PSME4: variants seen among roughly 807,000 people sequenced by gnomAD.
PSME4 encodes the protein proteasome activator complex subunit 4.
Under a neutral mutation model 253.9 loss-of-function variants are expected in PSME4, and 89 were observed. The observed-to-expected ratio is 0.35, with a 90% CI of 0.30 to 0.42. The LOEUF (loss-of-function observed/expected upper bound fraction) is 0.42, where lower values mean the gene tolerates loss of function less well. Among genes scored for constraint, PSME4 ranks in the 10% least tolerant of loss-of-function variants. PSME4 has a pLI of 1.00. For synonymous variants in PSME4, 851 were observed against 759.2 expected, an observed-to-expected ratio of 1.12 and a Z score of -1.99; for missense variants, 2,014 against 2,195.2, an observed-to-expected ratio of 0.92 and a Z score of 1.65.
chr2:53,924,698 T>C (rs1365488026), intron 14 of PSME4, among the ~76,000 whole-genome samples: 1 of 152,104 alleles, frequency 6.6e-6, no homozygotes, highest in Non-Finnish European at 1.5e-5. Context: ...TATGTATACA[T>C]GTGCCATGTT....
At chr2:53,964,634 A>G (rs751657900) in intron 1 of PSME4, among the ~76,000 whole-genome samples, 1 of 152,252 alleles carries the variant, frequency 6.6e-6, no homozygotes, top group Non-Finnish European at 1.5e-5. Flanking sequence ...TTCAATACTC[A>G]AACATTAGAT....
Position 53,869,390 on chromosome 2 carries a change from G to C in PSME4, c.5249C>G (p.Thr1750Ser). The change falls in exon 44 of 47, where the codon ACC becomes AGC. Residue 1750 changes from threonine to serine, a missense_variant. By Grantham distance (58) the Thr-to-Ser change is moderately conservative. This residue lies in a region of PSME4 where 403 missense variants were observed against 556.1 expected (regional missense o/e 0.72). Transcript: ENST00000404125. The part of the protein sequence containing the change: ...RKRDPGSVGD[T>S]IPSAELVKRH... ...AGCAATGTTACCTGCAGAAGGAATG[G>C]TATCTCCTACAGAACCAGGGTCTCG... is the stretch of plus-strand genomic sequence containing the variant. The C allele has an allele frequency of 6.2e-7, 1 of 1,607,296 alleles. No individual in the cohort carries two copies. Among genetic ancestry groups the C allele is most frequent in the Non-Finnish European group, 8.5e-7 (1 of 1,175,176 alleles).
intron 45 of PSME4, 44 bp downstream of exon 45, chr2:53,866,703 C>T (rs985452528): frequency 1.9e-6 from 3 of 1,567,012 alleles, no homozygotes; most frequent in Admixed American, 1.8e-5. Context: ...TCTTAGAAAA[C>T]ATCACTGATA....
intron 40 of PSME4, among the ~76,000 whole-genome samples, chr2:53,886,526 G>A (rs1420822014): frequency 6.6e-6 from 1 of 152,190 alleles, no homozygotes; most frequent in Non-Finnish European, 1.5e-5. Flanking sequence ...CCACTAAGAT[G>A]GCTATACTTT....
chr2:53,915,607 T>A (rs865865835), intron 20 of PSME4, among the ~76,000 whole-genome samples: 3 of 152,094 alleles, frequency 2.0e-5, no homozygotes, highest in Middle Eastern at 3.4e-3. Flanking sequence ...TAAACTAAGC[T>A]TCTAGGGTCT....
chr2:53,891,167 T>C (rs890911602), intron 36 of PSME4, among the ~76,000 whole-genome samples: 1 of 152,244 alleles, frequency 6.6e-6, no homozygotes, highest in East Asian at 1.9e-4. Context: ...AAAGAGGCAA[T>C]GACATTTTAA....
chr2:53,877,316 G>A (rs1288070236), intron 41 of PSME4, among the ~76,000 whole-genome samples: 2 of 151,478 alleles, frequency 1.3e-5, no homozygotes, highest in African/African-American at 2.4e-5. Flanking sequence ...GGGAGGCTGA[G>A]GTGGGAAGAT....
chr2:53,864,465 TAAC>T lies in PSME4; in HGVS notation c.*1110_*1112del, dbSNP rs1678476183. 1 of 151,554 alleles carries T rather than the reference TAAC, an allele frequency of 6.6e-6. No homozygotes were observed. Among genetic ancestry groups the T allele is most frequent in the African/African-American group, 2.4e-5 (1 of 41,194 alleles). 9.4% of individuals were successfully genotyped at this position (151,554 alleles called of 1,614,324 possible). The stretch of plus-strand genomic sequence containing the variant: ...AAAAAACCCCACATCTCAGTTTTTG[TAAC>T]AAGATAAAGAAAATAATTTAAAAAC... On this transcript the variant is annotated 3_prime_UTR_variant, in exon 47 of 47. Transcript: ENST00000404125.
Position 53,933,467 on chromosome 2 carries a change from TCTC to T in PSME4, c.958-710_958-708del, listed in dbSNP as rs1668954065. 2.7e-5 allele frequency among the ~76,000 whole-genome samples: 4 copies of T among 146,290 alleles called. No homozygotes were observed. In the South Asian group the frequency reaches 8.8e-4, roughly 32 times the overall value. On this transcript the variant is annotated intron_variant, in intron 8 of 46. Coordinates refer to ENST00000404125, the MANE Select transcript of PSME4 (RefSeq NM_014614.3). ...CAAACATGGTTCACTGCAGCCTCAA[TCTC>T]CTAGGCTCAAGCGATCCTCCCACCT... is the stretch of plus-strand genomic sequence containing the variant.
intron 1 of PSME4, among the ~76,000 whole-genome samples, chr2:53,960,012 C>G (rs1164103223): frequency 6.6e-6 from 1 of 152,156 alleles, no homozygotes; most frequent in Admixed American, 6.5e-5. Flanking sequence ...ATTAAGTGGT[C>G]ATTGACTTTG....
intron 3 of PSME4, among the ~76,000 whole-genome samples, chr2:53,943,109 A>G (rs1329040769): frequency 6.6e-6 from 1 of 152,228 alleles, no homozygotes; most frequent in Non-Finnish European, 1.5e-5. Context: ...CTTCTAAACC[A>G]GGGAAAAGTA....
intron 1 of PSME4, among the ~76,000 whole-genome samples, chr2:53,961,330 C>T (rs1558431740): frequency 6.6e-6 from 1 of 152,008 alleles, no homozygotes; most frequent in Non-Finnish European, 1.5e-5. Context: ...TAATTTTCTA[C>T]AAAGGTTAGA....
At chr2:53,909,456 C>T (rs1265171961) in intron 21 of PSME4, among the ~76,000 whole-genome samples, 1 of 151,944 alleles carries the variant, frequency 6.6e-6, no homozygotes, top group African/African-American at 2.4e-5. Flanking sequence ...CATATAAGTG[C>T]TAGAATAATT....
intron 1 of PSME4, among the ~76,000 whole-genome samples, chr2:53,958,164 C>A (rs1381078521): frequency 1.5e-5 from 2 of 131,744 alleles, no homozygotes; most frequent in African/African-American, 5.9e-5. Context: ...CCAGCCTGGG[C>A]GACAGAGAAA....
At chr2:53,958,673 T>C (rs570391757) in intron 1 of PSME4, among the ~76,000 whole-genome samples, 1 of 152,104 alleles carries the variant, frequency 6.6e-6, no homozygotes, top group East Asian at 1.9e-4. Flanking sequence ...ATCAAAAGAA[T>C]AGGTAACAAA....
chr2:53,918,030 T>G lies in PSME4; in HGVS notation c.2516+1121A>C, dbSNP rs114305775. Among the ~76,000 whole-genome samples the G allele has an allele frequency of 4.3e-3, 656 of 152,312 alleles. 4 individuals carry two copies. The highest frequency in any genetic ancestry group is 0.015 in the African/African-American group (613 of 41,578). On this transcript the variant is annotated intron_variant, in intron 20 of 46. Coordinates refer to ENST00000404125, the MANE Select transcript of PSME4 (RefSeq NM_014614.3). ...AAGTTCAATGCCTAAGAACAGTTTT[T>G]GGAGTGAAAAAAATGGGAAATGCAT...
At chr2:53,963,973 T>C (rs1670604598) in intron 1 of PSME4, among the ~76,000 whole-genome samples, 1 of 152,170 alleles carries the variant, frequency 6.6e-6, no homozygotes, top group Non-Finnish European at 1.5e-5. Context: ...AGATAGGTGA[T>C]GAGGTTCATT....
Position 53,937,507 on chromosome 2 carries a change from T to C in PSME4, c.579A>G (p.Leu193=), listed in dbSNP as rs1669178071. The C allele has an allele frequency of 6.2e-7, 1 of 1,611,732 alleles. No individual in the cohort carries two copies. Among genetic ancestry groups the C allele is most frequent in the Non-Finnish European group, 8.5e-7 (1 of 1,179,312 alleles). Residue 193 remains leucine, a synonymous_variant, in exon 5 of 47, where the codon CTA becomes CTG. Transcript: ENST00000404125. The part of the protein sequence containing the change: ...YFPADATAEM[L]EEWRPLMCPF... ...GGCACATTAAAGGTCGCCATTCTTC[T>C]AGCATCTCAGCGGTGGCATCTGCTG... is the stretch of plus-strand genomic sequence containing the variant.
chr2:53,889,481 C>G (rs1679799569), intron 37 of PSME4, among the ~76,000 whole-genome samples: 1 of 152,058 alleles, frequency 6.6e-6, no homozygotes, highest in Non-Finnish European at 1.5e-5. Context: ...CCCCCCACCC[C>G]CTTCTGAAAT....
Sources: gnomAD v4.1 joint callset for allele counts (sites outside exome capture counted in the v4.1 genomes callset) on GRCh38, gnomAD v4.1.1 for gene constraint, gnomAD v4.1.1 regional missense constraint, MANE v1.5 for transcripts, NCBI Gene and HGNC (gene_info 2026-07-23, HGNC 2026-07-21) for gene names.